SLC6A5: variants seen among roughly 807,000 people sequenced by gnomAD.
The protein encoded by SLC6A5 is sodium- and chloride-dependent glycine transporter 2.
Under a neutral mutation model 90.5 loss-of-function variants are expected in SLC6A5, and 58 were observed. The ratio of observed to expected loss-of-function variants is 0.64; its 90% CI spans 0.52 to 0.80. The LOEUF (loss-of-function observed/expected upper bound fraction) is 0.80, where lower values mean the gene tolerates loss of function less well. Ranked by LOEUF, SLC6A5 falls within the 30% of genes least tolerant of loss-of-function variation. The pLI is 0.00. For missense variants in SLC6A5, 1,015 were observed against 1,017.6 expected (o/e 1.00, Z 0.03); for synonymous variants, 427 against 401.4 (o/e 1.06, Z -0.76).
Position 20,601,266 on chromosome 11 carries a change from G to C in SLC6A5, c.141G>C (p.Pro47=), listed in dbSNP as rs1329197322. ...EQELPAAAAP[P]PPRVPRSAST... Reference sequence around the variant, plus strand: ...AGCTTCCCGCGGCTGCCGCCCCGCCGCCGCCACGTGTGCCCAGGTCCGCTT... The same window carrying C: ...AGCTTCCCGCGGCTGCCGCCCCGCCCCCGCCACGTGTGCCCAGGTCCGCTT... Residue 47 remains proline (P), a synonymous_variant, in exon 2 of 16, where the codon CCG becomes CCC. Transcript: ENST00000525748. 6.3e-7 allele frequency: 1 copy of C among 1,584,494 alleles called. No individual in the cohort carries two copies. The highest frequency in any genetic ancestry group is 8.5e-7 in the Non-Finnish European group (1 of 1,172,622).
intron 13 of SLC6A5, among the ~76,000 whole-genome samples, chr11:20,641,646 G>T (rs1474390924): frequency 1.3e-5 from 2 of 151,926 alleles, no homozygotes; most frequent in South Asian, 2.1e-4. Flanking sequence ...CCAATTTCAG[G>T]GTGTAGTGTT....
At chr11:20,615,589 G>A (rs1343460499) in intron 6 of SLC6A5, among the ~76,000 whole-genome samples, 1 of 152,124 alleles carries the variant, frequency 6.6e-6, no homozygotes, top group Non-Finnish European at 1.5e-5. Context: ...GGATGGCCTC[G>A]ATATCCTGAC....
chr11:20,652,234 T>G (rs1853547408), intron 14 of SLC6A5, 55 bp from the exon 15 acceptor site: 25 of 1,528,608 alleles, frequency 1.6e-5, no homozygotes, highest in Non-Finnish European at 2.3e-5. Context: ...TAGTGTTGAG[T>G]GCTTGAATAA....
In SLC6A5 at chr11:20,601,256, C is replaced by T; in HGVS notation, c.131C>T (p.Ala44Val). ...CCGGAGCAGGAGCTTCCCGCGGCTGCCGCCCCGCCGCCGCCACGTGTGCCC... is the reference window on the plus strand; with the variant it reads ...CCGGAGCAGGAGCTTCCCGCGGCTGTCGCCCCGCCGCCGCCACGTGTGCCC... Reference protein sequence around the residue: ...TSPEQELPAAAAPPPPRVPRS... With the variant: ...TSPEQELPAAVAPPPPRVPRS... The change falls in exon 2 of 16, where the codon GCC becomes GTC. Residue 44 changes from alanine (A) to valine (V), a missense_variant. Physicochemically the swap from Ala to Val is moderately conservative, Grantham distance 64. Transcript: ENST00000525748. 4 of 1,582,340 alleles carry T rather than the reference C, an allele frequency of 2.5e-6. No homozygotes were observed. The highest frequency in any genetic ancestry group is 1.7e-5 in the Admixed American group (1 of 57,540).
chr11:20,608,952 C>G (rs61880505), intron 5 of SLC6A5, among the ~76,000 whole-genome samples: 43,480 of 92,312 alleles, frequency 0.47, 6,781 homozygotes, highest in Middle Eastern at 0.52. Context: ...CTCTCTCTCT[C>G]TCTCTCTGTG....
At chr11:20,608,795 A>G (rs1042916454) in intron 5 of SLC6A5, among the ~76,000 whole-genome samples, 3 of 152,126 alleles carry the variant, frequency 2.0e-5, no homozygotes, top group Non-Finnish European at 2.9e-5. Context: ...ACACTATTTA[A>G]CCCTTCAAGT....
chr11:20,628,167 A>T (rs1354073641), intron 9 of SLC6A5, 84 bp downstream of exon 9: 3 of 1,104,450 alleles, frequency 2.7e-6, no homozygotes, highest in African/African-American at 3.1e-5. Flanking sequence ...CTGAGGCCAC[A>T]TCCTCACATT....
At chr11:20,654,329 A>G (rs957508734) in intron 15 of SLC6A5, among the ~76,000 whole-genome samples, 1 of 152,174 alleles carries the variant, frequency 6.6e-6, no homozygotes, top group African/African-American at 2.4e-5. Flanking sequence ...AATCAAGCAC[A>G]TGTGTTTTGC....
chr11:20,625,646 C>G (rs752704566), intron 7 of SLC6A5, among the ~76,000 whole-genome samples: 1 of 152,210 alleles, frequency 6.6e-6, no homozygotes, highest in Non-Finnish European at 1.5e-5. Flanking sequence ...CTTCCCATGA[C>G]GTGGTCTCCT....
intron 3 of SLC6A5, among the ~76,000 whole-genome samples, chr11:20,606,797 C>T (rs1277562313): frequency 6.6e-6 from 1 of 152,162 alleles, no homozygotes; most frequent in Non-Finnish European, 1.5e-5. Flanking sequence ...AGTGTATTTG[C>T]ATGGGTACCC....
intron 6 of SLC6A5, 80 bp downstream of exon 6, chr11:20,614,900 G>A: frequency 4.4e-6 from 6 of 1,371,614 alleles, no homozygotes; most frequent in Non-Finnish European, 6.2e-6. Flanking sequence ...GCAGACCAGA[G>A]GTGTGGGTAG....
intron 9 of SLC6A5, among the ~76,000 whole-genome samples, chr11:20,629,492 T>C (rs1183465502): frequency 6.6e-6 from 1 of 152,190 alleles, no homozygotes; most frequent in African/African-American, 2.4e-5. Context: ...TTTATACGTT[T>C]TTTGCTTTTA....
At chr11:20,600,346 A>T (rs1035158714) in intron 1 of SLC6A5, among the ~76,000 whole-genome samples, 2 of 94,786 alleles carry the variant, frequency 2.1e-5, no homozygotes, top group African/African-American at 7.6e-5. Flanking sequence ...GAAGAAGAAG[A>T]AGAAGAAGAA....
intron 10 of SLC6A5, among the ~76,000 whole-genome samples, chr11:20,636,092 T>G (rs1853200226): frequency 2.6e-5 from 4 of 152,244 alleles, no homozygotes; most frequent in Admixed American, 2.6e-4. Flanking sequence ...CTGTGAGTTC[T>G]CCTAGCTGTT....
At position 20,655,105 on chromosome 11, in the gene SLC6A5, G is replaced by C. The variant is rs1853619542; in HGVS notation, c.*237G>C. ...GCCCATGGTGACTGTTTCTGGTCAG[G>C]TTGGTCCCCTGACCACACGTTTTAC... On this transcript the variant is annotated 3_prime_UTR_variant, in exon 16 of 16. Transcript: ENST00000525748. The C allele has an allele frequency of 1.8e-6, 1 of 541,290 alleles. No homozygotes were observed. Among genetic ancestry groups the C allele is most frequent in the Non-Finnish European group, 3.4e-6 (1 of 291,968 alleles). The allele number at this position is 541,290 out of a possible 1,614,324, so 33.5% of individuals were successfully genotyped here.
At position 20,600,335 on chromosome 11, in the gene SLC6A5, GGAAGAAGAAGAAGAAGAAGAAGAAGAA is replaced by G. The variant is rs55891826; in HGVS notation, c.3+711_4-717del. ...AATAGTTACGCAAAAAAGAAGAAGA[GGAAGAAGAAGAAGAAGAAGAAGAAGAA>G]GAAGAAGAAGAAGAAGAAGAAGAAG... On this transcript the variant is annotated intron_variant, in intron 1 of 15. Transcript: ENST00000525748. Among the ~76,000 whole-genome samples the G allele has an allele frequency of 7.3e-3, 640 of 87,942 alleles. 5 individuals are homozygous for G. The highest frequency in any genetic ancestry group is 9.4e-3 in the Non-Finnish European group (427 of 45,298). The allele number at this position is 87,942 out of a possible 152,430, so 57.7% of individuals were successfully genotyped here.
intron 15 of SLC6A5, among the ~76,000 whole-genome samples, chr11:20,652,993 G>C (rs1038253274): frequency 1.3e-5 from 2 of 152,196 alleles, no homozygotes; most frequent in African/African-American, 4.8e-5. Context: ...GGTATGAGGT[G>C]AGACTTGTCT....
chr11:20,621,500 A>G (rs1565278483), intron 7 of SLC6A5, among the ~76,000 whole-genome samples: 1 of 152,210 alleles, frequency 6.6e-6, no homozygotes, highest in Non-Finnish European at 1.5e-5. Context: ...AGATCTGCCA[A>G]CTTATCTCTC....
intron 7 of SLC6A5, among the ~76,000 whole-genome samples, chr11:20,626,445 C>T (rs1204644270): frequency 6.6e-6 from 1 of 152,100 alleles, no homozygotes; most frequent in East Asian, 1.9e-4. Context: ...GGCTGGATGA[C>T]ATCTCCCCCA....
Sources: allele counts gnomAD v4.1 joint callset (sites outside exome capture counted in the v4.1 genomes callset), GRCh38; gene constraint gnomAD v4.1.1; transcripts MANE v1.5; gene names NCBI Gene and HGNC (gene_info 2026-07-23, HGNC 2026-07-21).